Variants in SGCD observed in about 807,000 individuals in gnomAD.
SGCD encodes the protein sarcoglycan delta.
SGCD carries 18 observed loss-of-function variants against 36.6 expected under a neutral mutation model. That is an observed-to-expected ratio of 0.49 (90% CI 0.34 to 0.73). The LOEUF (loss-of-function observed/expected upper bound fraction) is 0.73, where lower values mean the gene tolerates loss of function less well. SGCD is among the 30% of genes least tolerant of loss of function. The pLI is 0.01. For synonymous variants in SGCD, 133 were observed against 130.6 expected (o/e 1.02, Z -0.12); for missense variants, 387 against 346.7 (o/e 1.12, Z -0.92).
At chr5:155,832,164 G>T in the SGCD span, among the ~76,000 whole-genome samples, 4 of 152,080 alleles carry the variant, frequency 2.6e-5, no homozygotes, top group African/African-American at 9.7e-5. Flanking sequence ...TTTGAGTTCC[G>T]CAAATGAAAG....
At chr5:155,935,144 A>G (rs990376011) in intron 1 of SGCD, among the ~76,000 whole-genome samples, 2 of 152,168 alleles carry the variant, frequency 1.3e-5, no homozygotes, top group African/African-American at 4.8e-5. Context: ...TACCCTTTGA[A>G]CAAATTATTT....
chr5:155,992,265 T>A (rs947494792), intron 1 of SGCD, among the ~76,000 whole-genome samples: 1 of 152,182 alleles, frequency 6.6e-6, no homozygotes, highest in Non-Finnish European at 1.5e-5. Context: ...AGAGAATTTA[T>A]CCTTCTGATT....
At chr5:155,731,307 T>C in the SGCD span, among the ~76,000 whole-genome samples, 4 of 143,626 alleles carry the variant, frequency 2.8e-5, no homozygotes, top group African/African-American at 1.0e-4. Context: ...AAGAAGAGTG[T>C]GAGAAAAGAG....
intron 1 of SGCD, among the ~76,000 whole-genome samples, chr5:155,978,141 A>G (rs1425020232): frequency 4.6e-5 from 7 of 152,320 alleles, no homozygotes; most frequent in Admixed American, 4.6e-4. Flanking sequence ...GTCAGAATGG[A>G]TGCATCTCTG....
chr5:156,340,761 C>T (rs1373680383), intron 2 of SGCD, among the ~76,000 whole-genome samples: 1 of 152,164 alleles, frequency 6.6e-6, no homozygotes, highest in Non-Finnish European at 1.5e-5. Context: ...AACTTCAATT[C>T]CCCGGGCAGT....
At position 156,761,948 on chromosome 5, in the gene SGCD, A is replaced by C. The variant is rs915803481; in HGVS notation, c.*2558A>C. The C allele has an allele frequency of 6.6e-6, 1 of 152,460 alleles. No individual in the cohort carries two copies. The highest frequency in any genetic ancestry group is 1.5e-5 in the Non-Finnish European group (1 of 68,040). The allele number at this position is 152,460 out of a possible 1,614,324, so 9.4% of individuals were successfully genotyped here. On this transcript the variant is annotated 3_prime_UTR_variant, in exon 9 of 9. Coordinates refer to ENST00000337851, the MANE Select transcript of SGCD (RefSeq NM_000337.6). Reference sequence around the variant, plus strand: ...AGTGACCACAGTATACAAAGTAATAAGCAGGAAATTTGATATGGGTTAAAT... The same window carrying C: ...AGTGACCACAGTATACAAAGTAATACGCAGGAAATTTGATATGGGTTAAAT...
At chr5:156,681,773 C>T (rs535717772) in intron 7 of SGCD, among the ~76,000 whole-genome samples, 7 of 152,184 alleles carry the variant, frequency 4.6e-5, no homozygotes, top group Non-Finnish European at 7.3e-5. Context: ...AAAAGAAACT[C>T]TACCATAGTC....
intron 4 of SGCD, among the ~76,000 whole-genome samples, chr5:156,533,841 A>G (rs897446006): frequency 6.6e-6 from 1 of 152,210 alleles, no homozygotes; most frequent in Non-Finnish European, 1.5e-5. Flanking sequence ...GCAAGAACCC[A>G]TAATGATTCT....
Position 156,689,793 on chromosome 5 carries a change from G to C in SGCD, c.575+42257G>C, listed in dbSNP as rs60294562. On this transcript the variant is annotated intron_variant, in intron 7 of 8. Coordinates refer to ENST00000337851, the MANE Select transcript of SGCD (RefSeq NM_000337.6). ...AGATTATTCAAGATTAAAGATAAGA[G>C]AGAATTCAAATCAGTTCTGTGTCTT... 3.4e-3 allele frequency among the ~76,000 whole-genome samples: 522 copies of C among 152,264 alleles called. 4 individuals carry two copies. Among genetic ancestry groups the C allele is most frequent in the African/African-American group, 0.012 (489 of 41,548 alleles).
the SGCD span, among the ~76,000 whole-genome samples, chr5:155,731,782 C>T: frequency 6.6e-6 from 1 of 152,146 alleles, no homozygotes; most frequent in African/African-American, 2.4e-5. Context: ...TGGACCCACT[C>T]CCCTGGGAGC....
chr5:156,174,007 C>G (rs559634356), intron 3 of SGCD, among the ~76,000 whole-genome samples: 14 of 152,268 alleles, frequency 9.2e-5, no homozygotes, highest in Admixed American at 2.0e-4. Flanking sequence ...ACATCAGTGG[C>G]TTCATAGATT....
chr5:155,770,656 C>T, the SGCD span, among the ~76,000 whole-genome samples: 1 of 152,010 alleles, frequency 6.6e-6, no homozygotes, highest in Non-Finnish European at 1.5e-5. Context: ...AGCTTTATCC[C>T]TTTCTGCTTT....
rs1419493407 is a variant in SGCD at position 156,406,817 on chromosome 5, TATACACACACAC to T, written c.192+62142_192+62153del. On this transcript the variant is annotated intron_variant, in intron 3 of 8. Coordinates refer to ENST00000337851, the MANE Select transcript of SGCD (RefSeq NM_000337.6). ...ATATATATATATATATATATATATA[TATACACACACAC>T]ACACACACACACATATATATGTGTA... Among the ~76,000 whole-genome samples, 107 of 113,806 alleles carry T rather than the reference TATACACACACAC, an allele frequency of 9.4e-4. 2 individuals carry two copies. The highest frequency in any genetic ancestry group is 4.0e-3 in the African/African-American group (106 of 26,260). The allele number at this position is 113,806 out of a possible 152,430, so 74.7% of individuals were successfully genotyped here. A position where few individuals can be genotyped will look rare whatever the true frequency, so the allele number is the denominator to read the frequency against.
intron 1 of SGCD, among the ~76,000 whole-genome samples, chr5:156,027,824 G>A (rs1228388607): frequency 6.6e-6 from 1 of 152,256 alleles, no homozygotes; most frequent in East Asian, 1.9e-4. Context: ...AATAGTATGT[G>A]ATATAATGTT....
chr5:156,655,787 A>AT (rs1171718668), intron 7 of SGCD, among the ~76,000 whole-genome samples: 1 of 152,160 alleles, frequency 6.6e-6, no homozygotes, highest in Non-Finnish European at 1.5e-5. Flanking sequence ...AACTATGAAT[A>AT]TCTTAAATGT....
chr5:156,446,021 C>T (rs1351504024), intron 3 of SGCD, among the ~76,000 whole-genome samples: 8 of 152,066 alleles, frequency 5.3e-5, no homozygotes, highest in Admixed American at 5.2e-4. Context: ...AATATATATT[C>T]CGAAAAAGCA....
In SGCD at chr5:156,608,361, C is replaced by A. The variant is rs527782837; in HGVS notation, c.502+13310C>A. Among the ~76,000 whole-genome samples the A allele has an allele frequency of 3.0e-3, 450 of 152,138 alleles. 1 individual carries two copies. The highest frequency in any genetic ancestry group is 9.8e-3 in the African/African-American group (406 of 41,520). On this transcript the variant is annotated intron_variant, in intron 6 of 8. Coordinates refer to ENST00000337851, the MANE Select transcript of SGCD (RefSeq NM_000337.6). ...CCATGTAGTTGAGCGGTTTTGAGTGCGTTTCTTAATCCTGAGTTCTAGTTT... is the reference window on the plus strand; with the variant it reads ...CCATGTAGTTGAGCGGTTTTGAGTGAGTTTCTTAATCCTGAGTTCTAGTTT...
At chr5:155,790,063 A>G in the SGCD span, among the ~76,000 whole-genome samples, 18 of 152,212 alleles carry the variant, frequency 1.2e-4, no homozygotes, top group South Asian at 3.5e-3. Context: ...AAAAATGCAT[A>G]TGATGTTGAC....
intron 1 of SGCD, among the ~76,000 whole-genome samples, chr5:155,906,653 A>G (rs185784719): frequency 1.3e-5 from 2 of 152,294 alleles, no homozygotes; most frequent in African/African-American, 4.8e-5. Flanking sequence ...GCAAGGCCCT[A>G]ACTCTCTTTA....
Sources: allele counts gnomAD v4.1 joint callset (sites outside exome capture counted in the v4.1 genomes callset), GRCh38; gene constraint gnomAD v4.1.1; transcripts MANE v1.5; gene names NCBI Gene and HGNC (gene_info 2026-07-23, HGNC 2026-07-21).